The following GALNTL6 variants were observed in gnomAD, a reference collection of about 807,000 sequenced individuals.
GALNTL6 encodes polypeptide N-acetylgalactosaminyltransferase like 6, also known as polypeptide N-acetylgalactosaminyltransferase-like 6.
Under a neutral mutation model 73.7 loss-of-function variants are expected in GALNTL6, and 46 were observed. The observed-to-expected ratio is 0.62, with a 90% CI of 0.49 to 0.80. The LOEUF is 0.80. Among genes scored for constraint, GALNTL6 ranks in the 30% least tolerant of loss-of-function variants. The pLI is 0.00. For synonymous variants in GALNTL6, 259 were observed against 263.7 expected (o/e 0.98, Z 0.17); for missense variants, 604 against 755.0 (o/e 0.80, Z 2.34).
intron 5 of GALNTL6, among the ~76,000 whole-genome samples, chr4:172,480,983 CA>C (rs1561103236): frequency 6.6e-6 from 1 of 152,134 alleles, no homozygotes; most frequent in African/African-American, 2.4e-5. Flanking sequence ...TTGGTCAAAG[CA>C]AGTCACAACG....
chr4:172,712,427 T>C (rs2111328928), intron 5 of GALNTL6, among the ~76,000 whole-genome samples: 1 of 152,232 alleles, frequency 6.6e-6, no homozygotes. Context: ...TATCTCCAAA[T>C]GCTATCCCTC....
intron 10 of GALNTL6, among the ~76,000 whole-genome samples, chr4:172,957,823 C>A (rs1181747558): frequency 5.3e-5 from 8 of 152,144 alleles, no homozygotes. Flanking sequence ...GGGGGCAGAG[C>A]AGTAGCCTCA....
At chr4:172,412,211 T>C (rs1349779149) in intron 5 of GALNTL6, among the ~76,000 whole-genome samples, 1 of 152,046 alleles carries the variant, frequency 6.6e-6, no homozygotes, top group Admixed American at 6.6e-5. Context: ...TCTTGGTTAA[T>C]TTTTCTATTT....
At chr4:172,792,671 C>CTT (rs71594009) in intron 5 of GALNTL6, among the ~76,000 whole-genome samples, 16,044 of 135,574 alleles carry the variant, frequency 0.12, 2,262 homozygotes, top group African/African-American at 0.34. Flanking sequence ...CATAGTTTAG[C>CTT]TTTTTTTTTT....
intron 5 of GALNTL6, among the ~76,000 whole-genome samples, chr4:172,606,803 G>T (rs984823994): frequency 6.6e-6 from 1 of 150,392 alleles, no homozygotes; most frequent in African/African-American, 2.5e-5. Context: ...GATGGGAGAG[G>T]AGTATCGAGC....
intron 2 of GALNTL6, 186 bp downstream of exon 2, chr4:171,814,904 C>T: frequency 9.9e-6 from 6 of 608,824 alleles, no homozygotes; most frequent in Non-Finnish European, 1.7e-5. Context: ...CAGCCAGTAA[C>T]ATCGTGACAT....
At chr4:172,949,903 T>A in intron 9 of GALNTL6, among the ~76,000 whole-genome samples, 1 of 138,568 alleles carries the variant, frequency 7.2e-6, no homozygotes. Context: ...AGTGAGACTC[T>A]GTCTCAAAAA....
At chr4:172,905,441 C>T (rs114882088) in intron 8 of GALNTL6, among the ~76,000 whole-genome samples, 1 of 152,094 alleles carries the variant, frequency 6.6e-6, no homozygotes, top group South Asian at 2.1e-4. Flanking sequence ...AGCACAGTGG[C>T]TACTCAATAA....
At chr4:172,084,748 C>T (rs1731976812) in intron 2 of GALNTL6, among the ~76,000 whole-genome samples, 3 of 152,152 alleles carry the variant, frequency 2.0e-5, no homozygotes, top group Admixed American at 2.0e-4. Context: ...ATTTCTTCAT[C>T]TGATTCCTAA....
intron 5 of GALNTL6, among the ~76,000 whole-genome samples, chr4:172,439,513 T>G (rs559708913): frequency 1.3e-5 from 2 of 151,922 alleles, no homozygotes; most frequent in Non-Finnish European, 2.9e-5. Context: ...GTTTTGCTAT[T>G]GTCACTCTCC....
intron 5 of GALNTL6, among the ~76,000 whole-genome samples, chr4:172,771,658 A>C (rs1400340782): frequency 1.3e-5 from 2 of 152,160 alleles, no homozygotes; most frequent in Non-Finnish European, 2.9e-5. Context: ...TGTTCGTCAA[A>C]GAATGGTCAC....
In GALNTL6 at chr4:172,393,937, A is replaced by G. The variant is rs374614453; in HGVS notation, c.553+45248A>G. On this transcript the variant is annotated intron_variant, in intron 5 of 12. Transcript: ENST00000506823. The stretch of plus-strand genomic sequence containing the variant: ...ATTGTAGGTTTAAATAAATTGATAA[A>G]TGGAATATATATTATTCCCACTGTT... Among the ~76,000 whole-genome samples the G allele has an allele frequency of 6.8e-4, 104 of 152,324 alleles. 2 individuals carry two copies. In the South Asian group the frequency reaches 0.021, roughly 31 times the overall value.
At chr4:172,231,354 C>T (rs1737065708) in intron 3 of GALNTL6, among the ~76,000 whole-genome samples, 1 of 152,094 alleles carries the variant, frequency 6.6e-6, no homozygotes, top group South Asian at 2.1e-4. Flanking sequence ...AAGTGCTTTG[C>T]ATATGTATTT....
chr4:172,463,882 A>C (rs1390400156), intron 5 of GALNTL6, among the ~76,000 whole-genome samples: 3 of 152,152 alleles, frequency 2.0e-5, no homozygotes, highest in Non-Finnish European at 2.9e-5. Context: ...AATAGTATAT[A>C]TTATTAGTTT....
At chr4:172,816,133 C>T (rs913744075) in intron 7 of GALNTL6, among the ~76,000 whole-genome samples, 3 of 152,164 alleles carry the variant, frequency 2.0e-5, no homozygotes, top group African/African-American at 4.8e-5. Context: ...AAGAGGCTGC[C>T]GCCAAAGTGT....
intron 2 of GALNTL6, among the ~76,000 whole-genome samples, chr4:172,036,079 G>A (rs1741921761): frequency 6.6e-6 from 1 of 151,950 alleles, no homozygotes. Context: ...AATGTCTTTT[G>A]AAAGGACATA....
chr4:172,651,824 T>C (rs1052702830), intron 5 of GALNTL6, among the ~76,000 whole-genome samples: 4 of 152,140 alleles, frequency 2.6e-5, no homozygotes, highest in Admixed American at 2.6e-4. Context: ...TGTCACTGAA[T>C]AGAGGCAGGG....
intron 2 of GALNTL6, among the ~76,000 whole-genome samples, chr4:171,926,729 C>T (rs990382590): frequency 6.6e-6 from 1 of 152,092 alleles, no homozygotes; most frequent in African/African-American, 2.4e-5. Flanking sequence ...TTATTTAATG[C>T]ACTTCTTGTC....
At chr4:172,192,388 C>A (rs1735614809) in intron 2 of GALNTL6, among the ~76,000 whole-genome samples, 1 of 151,752 alleles carries the variant, frequency 6.6e-6, no homozygotes, top group African/African-American at 2.4e-5. Context: ...CAGGAGGGAC[C>A]CAGATTGCCA....
Sources: allele counts gnomAD v4.1 joint callset (sites outside exome capture counted in the v4.1 genomes callset), GRCh38; gene constraint gnomAD v4.1.1; transcripts MANE v1.5; gene names NCBI Gene and HGNC (gene_info 2026-07-23, HGNC 2026-07-21).